GLG1: variants seen among roughly 807,000 people sequenced by gnomAD.
GLG1 encodes golgi glycoprotein 1, also known as Golgi apparatus protein 1.
A neutral mutation model predicts 160.5 loss-of-function variants in GLG1; 38 were observed. The ratio of observed to expected loss-of-function variants is 0.24; its 90% CI spans 0.18 to 0.31. The LOEUF (loss-of-function observed/expected upper bound fraction) is 0.31. Among genes scored for constraint, GLG1 ranks in the 10% least tolerant of loss-of-function variants. The pLI is 1.00. For missense variants in GLG1, 1,373 were observed against 1,505.2 expected (o/e 0.91, Z 1.45); for synonymous variants, 644 against 543.4 (o/e 1.19, Z -2.57).
chr16:74,580,603 T>G (rs566874037), intron 1 of GLG1, among the ~76,000 whole-genome samples: 1 of 152,136 alleles, frequency 6.6e-6, no homozygotes, highest in Non-Finnish European at 1.5e-5. Flanking sequence ...AAAAGCTTCA[T>G]GACATTGAAT....
intron 20 of GLG1, 82 bp from the exon 21 acceptor site, chr16:74,462,712 C>A: frequency 1.6e-6 from 2 of 1,240,474 alleles, no homozygotes; most frequent in South Asian, 2.4e-5. Flanking sequence ...CTAAAGGGAG[C>A]ATATTATGTC....
intron 1 of GLG1, among the ~76,000 whole-genome samples, chr16:74,534,512 T>C (rs1174388184): frequency 2.6e-5 from 4 of 152,190 alleles, no homozygotes; most frequent in East Asian, 1.9e-4. Flanking sequence ...ATTTAGAGCA[T>C]TGGAGAATTT....
At chr16:74,488,642 T>C (rs1276025023) in intron 8 of GLG1, among the ~76,000 whole-genome samples, 2 of 152,214 alleles carry the variant, frequency 1.3e-5, no homozygotes, top group African/African-American at 2.4e-5. Context: ...TTTTTTGAGG[T>C]GGAGTCTTGC....
intron 2 of GLG1, among the ~76,000 whole-genome samples, chr16:74,531,891 C>A (rs191522795): frequency 2.4e-3 from 368 of 152,278 alleles, no homozygotes; most frequent in Non-Finnish European, 4.1e-3. Flanking sequence ...CACATGGTAG[C>A]TGTAACTGAA....
At chr16:74,536,192 A>G (rs992473415) in intron 1 of GLG1, among the ~76,000 whole-genome samples, 2 of 152,198 alleles carry the variant, frequency 1.3e-5, no homozygotes, top group African/African-American at 2.4e-5. Context: ...TTATGTCCCA[A>G]TTAAACCACT....
chr16:74,513,576 A>C (rs907021953), intron 2 of GLG1, among the ~76,000 whole-genome samples: 34 of 152,334 alleles, frequency 2.2e-4, no homozygotes, highest in African/African-American at 7.9e-4. Context: ...AAGGAAAACT[A>C]ACAAACAGAA....
Position 74,452,108 on chromosome 16 carries a change from A to G in GLG1, c.*1059T>C, listed in dbSNP as rs1337798652. ...AGACCACACTAAACCTTTATAAGCCATTGTCTCTGACCTGTATTGTAGCCT... is the reference window on the plus strand; with the variant it reads ...AGACCACACTAAACCTTTATAAGCCGTTGTCTCTGACCTGTATTGTAGCCT... On this transcript the variant is annotated 3_prime_UTR_variant, in exon 26 of 26. Coordinates refer to ENST00000422840, the MANE Select transcript of GLG1 (RefSeq NM_001145667.2). 6 of 1,613,910 alleles carry G rather than the reference A, an allele frequency of 3.7e-6. No individual in the cohort carries two copies. The highest frequency in any genetic ancestry group is 1.7e-6 in the Non-Finnish European group (2 of 1,179,936).
At chr16:74,577,290 G>A (rs553880724) in intron 1 of GLG1, among the ~76,000 whole-genome samples, 3 of 152,188 alleles carry the variant, frequency 2.0e-5, no homozygotes, top group East Asian at 1.9e-4. Flanking sequence ...GGGAGGCCAC[G>A]GCGGGTGGAT....
chr16:74,453,357 G>A lies in GLG1; in HGVS notation c.3373-23C>T, dbSNP rs1452916865. 1.6e-5 allele frequency: 24 copies of A among 1,542,182 alleles called. No homozygotes were observed. The Admixed American group carries it at 4.0e-4, about 26-fold the overall frequency. ...CACCTAGAATGACACAAGGCAATGTGATTCTCTGAGAGAGCACTGGGCTGG... is the reference window on the plus strand; with the variant it reads ...CACCTAGAATGACACAAGGCAATGTAATTCTCTGAGAGAGCACTGGGCTGG... On this transcript the variant is annotated intron_variant, in intron 25 of 25. Coordinates refer to ENST00000422840, the MANE Select transcript of GLG1 (RefSeq NM_001145667.2).
At chr16:74,549,226 A>C (rs1200191697) in intron 1 of GLG1, among the ~76,000 whole-genome samples, 2 of 151,756 alleles carry the variant, frequency 1.3e-5, no homozygotes, top group Admixed American at 1.3e-4. Flanking sequence ...TATGCTTTCT[A>C]TCTCTCTAGT....
rs966079972 is a variant in GLG1, at chr16:74,456,533, C to T, written c.3372+116G>A. 4.2e-6 allele frequency: 3 copies of T among 717,896 alleles called. No individual in the cohort carries two copies. In the African/African-American group the frequency reaches 5.3e-5, roughly 13 times the overall value. 44.5% of individuals were successfully genotyped at this position (717,896 alleles called of 1,614,324 possible). A position where few individuals can be genotyped will look rare whatever the true frequency, so the allele number is the denominator to read the frequency against. ...AGACCAGTGCGATATCTAAAAGAGG[C>T]TGGACAGCCACAGCGAGGAGAGTGG... On this transcript the variant is annotated intron_variant, in intron 25 of 25. Transcript: ENST00000422840.
chr16:74,459,184 AAAGGTT>A (rs2014679076), intron 23 of GLG1, among the ~76,000 whole-genome samples: 1 of 152,176 alleles, frequency 6.6e-6, no homozygotes, highest in Admixed American at 6.5e-5. Context: ...TTCTTTTTTA[AAAGGTT>A]AATTTTGGCT....
intron 1 of GLG1, among the ~76,000 whole-genome samples, chr16:74,604,454 C>A (rs1235693505): frequency 6.6e-6 from 1 of 152,182 alleles, no homozygotes; most frequent in African/African-American, 2.4e-5. Context: ...TGGAACCATC[C>A]TCCAGTGATA....
At chr16:74,530,143 T>A (rs537214369) in intron 2 of GLG1, among the ~76,000 whole-genome samples, 1 of 152,242 alleles carries the variant, frequency 6.6e-6, no homozygotes, top group Admixed American at 6.5e-5. Context: ...AACTTTTTTC[T>A]GGGTTTCTCT....
At chr16:74,535,416 C>T (rs557972911) in intron 1 of GLG1, among the ~76,000 whole-genome samples, 31 of 133,114 alleles carry the variant, frequency 2.3e-4, no homozygotes, top group Non-Finnish European at 2.5e-4. Context: ...ACTATAAATG[C>T]GTCTTATTTT....
chr16:74,557,577 C>G (rs2143723238), intron 1 of GLG1, among the ~76,000 whole-genome samples: 1 of 152,238 alleles, frequency 6.6e-6, no homozygotes, highest in African/African-American at 2.4e-5. Context: ...CAGAAGATTT[C>G]AGGAAAACAG....
chr16:74,484,321 T>C (rs1276957560), intron 9 of GLG1, among the ~76,000 whole-genome samples: 1 of 152,028 alleles, frequency 6.6e-6, no homozygotes, highest in Admixed American at 6.6e-5. Context: ...TACTTGCAAC[T>C]GTTTTTTTTT....
intron 4 of GLG1, among the ~76,000 whole-genome samples, chr16:74,503,297 C>A (rs190250817): frequency 2.6e-5 from 4 of 152,170 alleles, no homozygotes; most frequent in East Asian, 1.9e-4. Flanking sequence ...GAAGATAACA[C>A]CACTCTTTGC....
chr16:74,457,863 CAG>C lies in GLG1; in HGVS notation c.3265+9_3265+10del, dbSNP rs1567454196. 5 of 1,613,238 alleles carry C rather than the reference CAG, an allele frequency of 3.1e-6. No individual in the cohort carries two copies. In the African/African-American group the frequency reaches 5.3e-5, roughly 17 times the overall value. On this transcript the variant is annotated intron_variant, in intron 24 of 25. Coordinates refer to ENST00000422840, the MANE Select transcript of GLG1 (RefSeq NM_001145667.2). ...GTTCAGACAGGATCAAGAGTGAACA[CAG>C]AGACTTACGACGCCCGCGGCCAGGG...
Sources: gnomAD v4.1 joint callset for allele counts (sites outside exome capture counted in the v4.1 genomes callset) on GRCh38, gnomAD v4.1.1 for gene constraint, MANE v1.5 for transcripts, NCBI Gene and HGNC (gene_info 2026-07-23, HGNC 2026-07-21) for gene names.